Variants in NEB observed in about 807,000 individuals in gnomAD.
The protein encoded by NEB is nebulin.
NEB carries 512 observed loss-of-function variants against 952.2 expected under a neutral mutation model. That is an observed-to-expected ratio of 0.54 (90% CI 0.50 to 0.58). NEB has a LOEUF of 0.58. NEB is among the 20% of genes least tolerant of loss of function. The pLI, the probability that NEB is intolerant of heterozygous loss-of-function variation, is 0.00. For synonymous variants in NEB, 2,900 were observed against 3,149.8 expected (o/e 0.92, Z 2.66); for missense variants, 8,428 against 9,231.1 (o/e 0.91, Z 3.56).
In NEB at chr2:151,663,707, G is replaced by A. The variant is rs1383368666; in HGVS notation, c.5604C>T (p.Ser1868=). 1.9e-6 allele frequency: 3 copies of A among 1,613,826 alleles called. No individual in the cohort carries two copies. The highest frequency in any genetic ancestry group is 1.7e-5 in the Admixed American group (1 of 59,988). ...YKKGYEKSKT[S]FHTPVDMLSV... is the part of the protein sequence containing the mutation. ...TGAGCATGTCCACCGGGGTGTGGAAGGAGGTCTTGGATTTCTCATATCCCT... is the reference window on the plus strand; with the variant it reads ...TGAGCATGTCCACCGGGGTGTGGAAAGAGGTCTTGGATTTCTCATATCCCT... The change falls in exon 45 of 182, where the codon TCC becomes TCT. Residue 1868 remains serine (S), a synonymous_variant. Transcript: ENST00000397345.
intron 164 of NEB, chr2:151,505,933 C>T (rs963117246): frequency 5.2e-6 from 3 of 576,524 alleles, no homozygotes; most frequent in African/African-American, 1.9e-5. Context: ...CCGGATTCTA[C>T]CTTCTCACAA....
At position 151,553,827 on chromosome 2, in the gene NEB, C is replaced by T. The variant is rs756352186; in HGVS notation, c.19626+1G>A. ...GGGTACTTCTTAAGTCACAGGCTTA[C>T]ATCGCTGATCTGATCTGTGACTTTC... On this transcript the variant is annotated splice_donor_variant, in intron 126 of 181. Coordinates refer to ENST00000397345, the MANE Select transcript of NEB (RefSeq NM_001164508.2). LOFTEE classifies it high-confidence loss of function. 1 of 1,606,374 alleles carries T rather than the reference C, an allele frequency of 6.2e-7. No homozygotes were observed. Among genetic ancestry groups the T allele is most frequent in the Admixed American group, 1.7e-5 (1 of 59,806 alleles).
At position 151,708,795 on chromosome 2, in the gene NEB, C is replaced by A. The variant is rs6750147; in HGVS notation, c.1035+861G>T. Among the ~76,000 whole-genome samples the A allele has an allele frequency of 1.0e-3, 154 of 152,332 alleles. 1 individual carries two copies. The highest frequency in any genetic ancestry group is 3.4e-3 in the African/African-American group (142 of 41,564). On this transcript the variant is annotated intron_variant, in intron 12 of 181. Transcript: ENST00000397345. Reference sequence around the variant, plus strand: ...AAAAATTACCAACTTCTTCCATAGTCTTCCCTGTCTCAATAAAGGGAAACC... The same window carrying A: ...AAAAATTACCAACTTCTTCCATAGTATTCCCTGTCTCAATAAAGGGAAACC...
intron 4 of NEB, among the ~76,000 whole-genome samples, chr2:151,729,277 T>C (rs148351995): frequency 6.0e-4 from 92 of 152,302 alleles, no homozygotes; most frequent in Non-Finnish European, 8.2e-4. Context: ...CAAGGCTCCT[T>C]GGCTTGTTGT....
At chr2:151,524,658 T>TGGC in intron 151 of NEB, 42 bp from the exon 152 acceptor site, 1 of 827,234 alleles carries the variant, frequency 1.2e-6, no homozygotes, top group Non-Finnish European at 1.7e-6. Context: ...GAGAGGCTTT[T>TGGC]TTTTTTTTTT....
At chr2:151,512,191 C>A (rs374560223) in intron 161 of NEB, among the ~76,000 whole-genome samples, 1 of 151,792 alleles carries the variant, frequency 6.6e-6, no homozygotes, top group African/African-American at 2.4e-5. Flanking sequence ...CCACCACGCC[C>A]GGCTAATTTT....
rs375345535 is a variant in NEB, at chr2:151,545,280, AATT to A, written c.20577+605_20577+607del. On this transcript the variant is annotated intron_variant, in intron 135 of 181. Coordinates refer to ENST00000397345, the MANE Select transcript of NEB (RefSeq NM_001164508.2). ...TAGAGACAACAAAAATAATAAGTAA[AATT>A]ATTATTTCTAGGCCAGGCGTGGTGG... 1.7e-3 allele frequency among the ~76,000 whole-genome samples: 266 copies of A among 152,248 alleles called. 2 individuals are homozygous for A. The South Asian group carries it at 0.03, about 17-fold the overall frequency.
At chr2:151,661,130 T>G (rs2099143671) in intron 46 of NEB, among the ~76,000 whole-genome samples, 1 of 152,192 alleles carries the variant, frequency 6.6e-6, no homozygotes, top group Non-Finnish European at 1.5e-5. Flanking sequence ...AATGGGAGGA[T>G]TCAACTTGAT....
intron 146 of NEB, among the ~76,000 whole-genome samples, chr2:151,528,866 G>A (rs1029275289): frequency 6.6e-6 from 1 of 152,182 alleles, no homozygotes; most frequent in Admixed American, 6.5e-5. Context: ...TGAGGCAGGA[G>A]GAGAGCACAG....
intron 137 of NEB, 99 bp from the exon 138 acceptor site, chr2:151,540,547 C>A: frequency 8.9e-7 from 1 of 1,126,614 alleles, no homozygotes; most frequent in South Asian, 1.4e-5. Context: ...ATGTGTTACA[C>A]ACTTTAAGAG....
chr2:151,534,845 C>G (rs553353710), intron 142 of NEB, among the ~76,000 whole-genome samples: 1 of 152,278 alleles, frequency 6.6e-6, no homozygotes, highest in South Asian at 2.1e-4. Context: ...AGTAATTCTT[C>G]AGGGTTGTCC....
rs745615339 is a variant in NEB, at chr2:151,644,536, C to T, written c.7576G>A (p.Gly2526Ser). Residue 2526 changes from glycine to serine, a missense_variant, in exon 56 of 182, where the codon GGT becomes AGT. Coordinates refer to ENST00000397345, the MANE Select transcript of NEB (RefSeq NM_001164508.2). The part of the protein sequence containing the change: ...RMGYEELKRK[G>S]YDLPVDAIPI... ...ATGGCATCAACAGGAAGATCGTAAC[C>T]TTTTCTCTTCAGCTCCTCATAACCC... 7.4e-6 allele frequency: 12 copies of T among 1,613,830 alleles called. No individual in the cohort carries two copies. Among genetic ancestry groups the T allele is most frequent in the East Asian group, 6.7e-5 (3 of 44,876 alleles).
Position 151,640,452 on chromosome 2 carries a change from C to T in NEB, c.8588G>A (p.Ser2863Asn), listed in dbSNP as rs749714601. ...CAGGTAGTTCTTGTAGTCCACATCG[C>T]TGACTAAGGTCTGGCACTTCTTGGC... ...VLAKKCQTLV[S>N]DVDYKNYLHQ... The change falls in exon 61 of 182, where the codon AGC becomes AAC. Residue 2863 changes from serine (S) to asparagine (N), a missense_variant. This residue lies in a region of NEB where 1,772 missense variants were observed against 1,960.3 expected (regional missense o/e 0.90). Transcript: ENST00000397345. 8 of 1,613,880 alleles carry T rather than the reference C, an allele frequency of 5.0e-6. No homozygotes were observed. The East Asian group carries it at 1.6e-4, about 31-fold the overall frequency.
At chr2:151,560,042 C>G (rs745933118) in intron 124 of NEB, among the ~76,000 whole-genome samples, 26 of 152,070 alleles carry the variant, frequency 1.7e-4, no homozygotes, top group Non-Finnish European at 3.2e-4. Context: ...GATGTATGAT[C>G]TTCTACTATA....
At chr2:151,518,518 T>G in intron 155 of NEB, 96 bp from the exon 156 acceptor site, 1 of 767,944 alleles carries the variant, frequency 1.3e-6, no homozygotes, top group South Asian at 1.8e-5. Context: ...AGCACCATTG[T>G]CAAGATCAAA....
chr2:151,513,304 G>A (rs772045968), intron 160 of NEB, among the ~76,000 whole-genome samples: 7 of 152,170 alleles, frequency 4.6e-5, no homozygotes, highest in Non-Finnish European at 4.4e-5. Flanking sequence ...CCAAGATGTC[G>A]AGTTTGCCCC....
rs769329304 is a variant in NEB, at chr2:151,512,773, T to C, written c.23306A>G (p.Glu7769Gly). Residue 7769 changes from glutamate to glycine, a missense_variant, in exon 161 of 182, where the codon GAG becomes GGG. This residue lies in a region of NEB where 3,374 missense variants were observed against 3,651.5 expected (regional missense o/e 0.92). Coordinates refer to ENST00000397345, the MANE Select transcript of NEB (RefSeq NM_001164508.2). ...CTTGACTTGTTGGGCATGAATGATC[T>C]CTGGAGTATCAACCACAGAAGTGAA... ...ANFTSVVDTP[E>G]IIHAQQVKNL... 2 of 1,613,956 alleles carry C rather than the reference T, an allele frequency of 1.2e-6. No individual in the cohort carries two copies. The highest frequency in any genetic ancestry group is 8.5e-7 in the Non-Finnish European group (1 of 1,179,848).
At chr2:151,488,910 A>G (rs996603962) in intron 181 of NEB, among the ~76,000 whole-genome samples, 1 of 152,134 alleles carries the variant, frequency 6.6e-6, no homozygotes. Flanking sequence ...TTTTGTATCT[A>G]TTGCCATGCT....
intron 128 of NEB, 145 bp from the exon 129 acceptor site, chr2:151,551,990 C>T (rs1047810125): frequency 3.0e-5 from 18 of 602,332 alleles, no homozygotes; most frequent in South Asian, 2.2e-4. Flanking sequence ...TCAGAGCCAG[C>T]GTGTGGACAC....
Sources: allele counts gnomAD v4.1 joint callset (sites outside exome capture counted in the v4.1 genomes callset), GRCh38; gene constraint gnomAD v4.1.1; regional missense constraint gnomAD v4.1.1; transcripts MANE v1.5; gene names NCBI Gene and HGNC (gene_info 2026-07-23, HGNC 2026-07-21).